Variants in IFT46 observed in about 807,000 individuals in gnomAD.
IFT46 encodes intraflagellar transport protein 46 homolog.
Under a neutral mutation model 39.6 loss-of-function variants are expected in IFT46, and 19 were observed. That is an observed-to-expected ratio of 0.48 (90% CI 0.33 to 0.70). The LOEUF (loss-of-function observed/expected upper bound fraction) is 0.70, where lower values mean the gene tolerates loss of function less well. Among genes scored for constraint, IFT46 ranks in the 30% least tolerant of loss-of-function variants. The probability of loss-of-function intolerance (pLI) is 0.01; values close to 1 mark genes in which losing one functional copy is unlikely to be tolerated. For synonymous variants in IFT46, 117 were observed against 134.8 expected, an observed-to-expected ratio of 0.87 and a Z score of 0.91; for missense variants, 334 against 364.8, an observed-to-expected ratio of 0.92 and a Z score of 0.69.
At chr11:118,576,589 G>A (rs1417809989), upstream of IFT46, among the ~76,000 whole-genome samples, 1 of 151,910 alleles carries the variant, frequency 6.6e-6, no homozygotes, top group Non-Finnish European at 1.5e-5. Context: ...AATGTAAAGA[G>A]GTTTATTATT....
intron 3 of IFT46, among the ~76,000 whole-genome samples, chr11:118,559,564 T>A (rs551902752): frequency 6.6e-6 from 1 of 152,354 alleles, no homozygotes; most frequent in Non-Finnish European, 1.5e-5. Flanking sequence ...GCCTACATTA[T>A]GTGAAATTCC....
chr11:118,576,016 C>A (rs534092946), upstream of IFT46, among the ~76,000 whole-genome samples: 2 of 150,588 alleles, frequency 1.3e-5, no homozygotes, highest in East Asian at 4.0e-4. Context: ...AATGCTTAGA[C>A]TTACAGAACT....
In IFT46 at chr11:118,563,596, C is replaced by T. The variant is rs150197886; in HGVS notation, c.-36+1369G>A. 2.8e-4 allele frequency among the ~76,000 whole-genome samples: 42 copies of T among 152,222 alleles called. No individual in the cohort carries two copies. The East Asian group carries it at 7.3e-3, about 27-fold the overall frequency. ...CTCAGCTTCCTCACCAGAGGCCAAG[C>T]CACTATCATCTCAACTCAGCCATCA... On this transcript the variant is annotated intron_variant, in intron 2 of 11. Coordinates refer to ENST00000264021, the MANE Select transcript of IFT46 (RefSeq NM_001168618.2).
At chr11:118,547,507 T>G (rs564836357) in intron 9 of IFT46, among the ~76,000 whole-genome samples, 1 of 152,062 alleles carries the variant, frequency 6.6e-6, no homozygotes, top group East Asian at 1.9e-4. Flanking sequence ...CAACCTCCAC[T>G]TCCTGGATTC....
At chr11:118,555,380 T>G in intron 4 of IFT46, 58 bp from the exon 5 acceptor site, 1 of 1,291,854 alleles carries the variant, frequency 7.7e-7, no homozygotes, top group Non-Finnish European at 1.1e-6. Flanking sequence ...GGTGGCAGGG[T>G]CCTAGGTGCT....
chr11:118,556,175 A>G (rs1356969627), intron 4 of IFT46, among the ~76,000 whole-genome samples: 1 of 152,100 alleles, frequency 6.6e-6, no homozygotes, highest in African/African-American at 2.4e-5. Flanking sequence ...GGCACACACC[A>G]GCATGCTCAG....
chr11:118,556,287 C>T (rs1937830975), intron 4 of IFT46, among the ~76,000 whole-genome samples: 1 of 152,084 alleles, frequency 6.6e-6, no homozygotes, highest in Non-Finnish European at 1.5e-5. Context: ...GTCAGGAGAT[C>T]GAGACCATCC....
In IFT46 at chr11:118,559,785, C is replaced by CT. The variant is rs782171552; in HGVS notation, c.44dup (p.Glu16GlyfsTer15). The stretch of plus-strand genomic sequence containing the variant: ...CAAGAAGCTGTGAGTTTTACTGTAC[C>CT]TTGTTATTTTCCTCTTCACACTCAT... On this transcript the variant is annotated frameshift_variant and splice_region_variant, in exon 3 of 12. Coordinates refer to ENST00000264021, the MANE Select transcript of IFT46 (RefSeq NM_001168618.2). LOFTEE classifies it high-confidence loss of function. 6.2e-7 allele frequency: 1 copy of CT among 1,611,918 alleles called. No individual in the cohort carries two copies. Among genetic ancestry groups the CT allele is most frequent in the Admixed American group, 1.7e-5 (1 of 59,996 alleles).
chr11:118,548,651 C>T (rs879956026), intron 9 of IFT46, among the ~76,000 whole-genome samples: 5 of 151,818 alleles, frequency 3.3e-5, no homozygotes, highest in African/African-American at 1.2e-4. Context: ...TACAGGTGTG[C>T]GCCACCATGC....
At chr11:118,560,444 AGGGAGGGGAGGGGAGGGGAGGGGAG>A (rs1221242909) in intron 2 of IFT46, 1 of 64,520 alleles carries the variant, frequency 1.5e-5, no homozygotes, top group African/African-American at 1.3e-4. Flanking sequence ...TGGGAGGGGA[AGGGAGGGGAGGGGAGGGGAGGGGAG>A]GGGAGGGGGA....
rs550797328 is a variant in IFT46, at chr11:118,562,337, T to G, written c.-35-2473A>C. The stretch of plus-strand genomic sequence containing the variant: ...GGCTGGTAGTCCCAGCTACCGGGGG[T>G]TCTGAAGCAGGAGGACTGCATGAGC... On this transcript the variant is annotated intron_variant, in intron 2 of 11. Coordinates refer to ENST00000264021, the MANE Select transcript of IFT46 (RefSeq NM_001168618.2). 9.1e-3 allele frequency among the ~76,000 whole-genome samples: 1,342 copies of G among 147,166 alleles called. 19 individuals carry two copies. Among genetic ancestry groups the G allele is most frequent in the African/African-American group, 0.031 (1,228 of 39,678 alleles).
At chr11:118,557,730 T>C (rs1555069788) in intron 3 of IFT46, 1 of 1,613,952 alleles carries the variant, frequency 6.2e-7, no homozygotes, top group South Asian at 1.1e-5. Context: ...CTTGACATTA[T>C]AACCTACCTT....
At position 118,552,067 on chromosome 11, in the gene IFT46, C is replaced by T. The variant is rs1042431236; in HGVS notation, c.605+147G>A. ...AGAGAAATTACAATCTTTATGTCTACAATCTCAGCCAGTAGTTGCCAGGAT... is the reference window on the plus strand; with the variant it reads ...AGAGAAATTACAATCTTTATGTCTATAATCTCAGCCAGTAGTTGCCAGGAT... On this transcript the variant is annotated intron_variant, in intron 8 of 11. Coordinates refer to ENST00000264021, the MANE Select transcript of IFT46 (RefSeq NM_001168618.2). 8.5e-6 allele frequency: 9 copies of T among 1,055,654 alleles called. No individual in the cohort carries two copies. In the Admixed American group the frequency reaches 2.1e-4, roughly 24 times the overall value. 65.4% of individuals were successfully genotyped at this position (1,055,654 alleles called of 1,614,324 possible). A position where few individuals can be genotyped will look rare whatever the true frequency, so the allele number is the denominator to read the frequency against.
upstream of IFT46, among the ~76,000 whole-genome samples, chr11:118,568,539 G>A (rs1938275104): frequency 6.6e-6 from 1 of 152,054 alleles, no homozygotes; most frequent in East Asian, 1.9e-4. Flanking sequence ...GCGACAGAGT[G>A]AGACTGTCTC....
upstream of IFT46, among the ~76,000 whole-genome samples, chr11:118,568,435 C>CT (rs1207517205): frequency 2.0e-4 from 31 of 152,108 alleles, no homozygotes; most frequent in East Asian, 6.0e-3. Flanking sequence ...GCCTGTAATC[C>CT]TAGCTACTCA....
chr11:118,552,454 C>T (rs1555068701), intron 7 of IFT46, 119 bp from the exon 8 acceptor site: 10 of 1,211,110 alleles, frequency 8.3e-6, no homozygotes, highest in African/African-American at 3.0e-5. Flanking sequence ...GCTGCTGCCA[C>T]GTGAAACAGT....
At chr11:118,557,082 TA>T in intron 3 of IFT46, 37 bp from the exon 4 acceptor site, 1 of 1,524,182 alleles carries the variant, frequency 6.6e-7, no homozygotes, top group Non-Finnish European at 8.8e-7. Flanking sequence ...AAGCTTCAAG[TA>T]AAAAAATCAA....
At position 118,552,345 on chromosome 11, in the gene IFT46, T is replaced by A. The variant is rs369582100; in HGVS notation, c.484-10A>T. On this transcript the variant is annotated splice_polypyrimidine_tract_variant and intron_variant, in intron 7 of 11. Coordinates refer to ENST00000264021, the MANE Select transcript of IFT46 (RefSeq NM_001168618.2). ...TTACTTTCATATGTTGCTAGGAAAG[T>A]AAGGAGAAAGCCTAGCTGATGGCAC... is the stretch of plus-strand genomic sequence containing the variant. The A allele has an allele frequency of 4.3e-6, 7 of 1,613,820 alleles. No individual in the cohort carries two copies. The African/African-American group carries it at 9.3e-5, about 22-fold the overall frequency.
chr11:118,572,599 C>G, exon 1 of IFT46: 1 of 1,592,300 alleles, frequency 6.3e-7, no homozygotes, highest in Non-Finnish European at 8.5e-7. Flanking sequence ...GCCTCACCGT[C>G]TCTCCTTGTC....
Sources: allele counts gnomAD v4.1 joint callset (sites outside exome capture counted in the v4.1 genomes callset), GRCh38; gene constraint gnomAD v4.1.1; transcripts MANE v1.5; gene names NCBI Gene and HGNC (gene_info 2026-07-23, HGNC 2026-07-21).